Variants in SUSD1 observed in about 807,000 individuals in gnomAD.
SUSD1 encodes sushi domain-containing protein 1.
Under a neutral mutation model 86.9 loss-of-function variants are expected in SUSD1, and 65 were observed. That is an observed-to-expected ratio of 0.75 (90% CI 0.61 to 0.92). SUSD1 has a LOEUF of 0.92. Ranked by LOEUF, SUSD1 falls within the 40% of genes least tolerant of loss-of-function variation. The pLI, the probability that SUSD1 is intolerant of heterozygous loss-of-function variation, is 0.00. For synonymous variants in SUSD1, 346 were observed against 350.0 expected (o/e 0.99, Z 0.13); for missense variants, 850 against 929.7 (o/e 0.91, Z 1.11).
intron 12 of SUSD1, among the ~76,000 whole-genome samples, chr9:112,064,282 C>G (rs1009716005): frequency 6.6e-5 from 10 of 152,192 alleles, no homozygotes; most frequent in African/African-American, 2.4e-4. Context: ...TGCCTGAGCT[C>G]CACCTCCTGT....
chr9:112,077,105 TTC>T (rs2131549733), intron 12 of SUSD1, among the ~76,000 whole-genome samples: 1 of 152,266 alleles, frequency 6.6e-6, no homozygotes, highest in African/African-American at 2.4e-5. Flanking sequence ...TGCTCATTTT[TTC>T]TTTCTTTTCG....
chr9:112,165,917 G>GGAAGA (rs1833779055), intron 1 of SUSD1, among the ~76,000 whole-genome samples: 1 of 65,316 alleles, frequency 1.5e-5, no homozygotes, highest in Admixed American at 1.6e-4. Flanking sequence ...AAGGAAGGAA[G>GGAAGA]AAAGAAAAGA....
intron 8 of SUSD1, among the ~76,000 whole-genome samples, chr9:112,109,157 C>T (rs1349910376): frequency 6.6e-6 from 1 of 151,332 alleles, no homozygotes; most frequent in African/African-American, 2.4e-5. Flanking sequence ...CATAAACAGA[C>T]CCAAAATCAT....
intron 1 of SUSD1, among the ~76,000 whole-genome samples, chr9:112,159,504 G>C (rs1310030822): frequency 6.6e-6 from 1 of 152,160 alleles, no homozygotes; most frequent in Non-Finnish European, 1.5e-5. Context: ...TTGTATCTCA[G>C]ACCGTAAAGA....
chr9:112,098,088 C>T (rs2131606212), intron 10 of SUSD1, among the ~76,000 whole-genome samples: 1 of 152,314 alleles, frequency 6.6e-6, no homozygotes, highest in East Asian at 1.9e-4. Flanking sequence ...CCTGCCAGTG[C>T]CTGACACTGT....
At chr9:112,142,598 C>CACACACA in intron 4 of SUSD1, 99 bp from the exon 5 acceptor site, 1 of 1,133,416 alleles carries the variant, frequency 8.8e-7, no homozygotes, top group Non-Finnish European at 1.2e-6. Flanking sequence ...CACACACACA[C>CACACACA]CCCCGAGCCA....
chr9:112,054,495 G>A (rs1478615565), intron 14 of SUSD1, among the ~76,000 whole-genome samples: 1 of 152,022 alleles, frequency 6.6e-6, no homozygotes, highest in East Asian at 1.9e-4. Context: ...GCTGAGGCAG[G>A]AGGATCACCT....
At chr9:112,064,881 A>C (rs1828907802) in intron 12 of SUSD1, among the ~76,000 whole-genome samples, 1 of 151,396 alleles carries the variant, frequency 6.6e-6, no homozygotes, top group Admixed American at 6.6e-5. Flanking sequence ...GTCTCAGAAA[A>C]AAAAAAAAAA....
At chr9:112,158,565 T>C (rs1293656776) in intron 1 of SUSD1, among the ~76,000 whole-genome samples, 1 of 152,110 alleles carries the variant, frequency 6.6e-6, no homozygotes, top group Admixed American at 6.6e-5. Context: ...CTAATTTTTG[T>C]ATTTTCTGTA....
intron 1 of SUSD1, among the ~76,000 whole-genome samples, chr9:112,170,943 C>A (rs1003115756): frequency 5.9e-5 from 9 of 152,084 alleles, no homozygotes; most frequent in African/African-American, 9.7e-5. Context: ...GAACTCCTGA[C>A]CCCAAGTGAT....
chr9:112,147,342 A>G (rs149284655), intron 3 of SUSD1, among the ~76,000 whole-genome samples: 4,948 of 151,686 alleles, frequency 0.033, 279 homozygotes, highest in African/African-American at 0.11. Flanking sequence ...CCCTGTCTCT[A>G]CTAAAATACA....
intron 2 of SUSD1, among the ~76,000 whole-genome samples, chr9:112,150,341 T>A (rs779132692): frequency 1.3e-5 from 2 of 152,250 alleles, no homozygotes; most frequent in Non-Finnish European, 2.9e-5. Flanking sequence ...ATCTACACAG[T>A]TAGCTTTTTT....
chr9:112,141,891 GTA>G (rs35362000), intron 5 of SUSD1, among the ~76,000 whole-genome samples: 1 of 141,518 alleles, frequency 7.1e-6, no homozygotes. Context: ...GTATATATAT[GTA>G]TATATATATG....
At chr9:112,075,041 T>C (rs2043057) in intron 12 of SUSD1, among the ~76,000 whole-genome samples, 29,749 of 151,878 alleles carry the variant, frequency 0.2, 3,435 homozygotes, top group East Asian at 0.3. Context: ...TCCCCTTTAC[T>C]CAAAAAAATA....
At chr9:112,124,577 AT>A (rs1831691312) in intron 5 of SUSD1, 141 bp from the exon 6 acceptor site, 1 of 732,316 alleles carries the variant, frequency 1.4e-6, no homozygotes, top group African/African-American at 1.8e-5. Context: ...AAATAATCCA[AT>A]ATAAGTATGT....
At chr9:112,137,286 G>A (rs992118491) in intron 5 of SUSD1, among the ~76,000 whole-genome samples, 10 of 152,180 alleles carry the variant, frequency 6.6e-5, no homozygotes, top group Non-Finnish European at 1.2e-4. Flanking sequence ...GGAGGAGGAG[G>A]AGGAAGGTGT....
intron 1 of SUSD1, chr9:112,169,481 T>A (rs1833950955): frequency 6.6e-6 from 1 of 152,030 alleles, no homozygotes; most frequent in South Asian, 2.1e-4. Context: ...CCAATCCTGT[T>A]CACTTTCTGG....
At chr9:112,043,243 G>T (rs1827819100) in intron 15 of SUSD1, among the ~76,000 whole-genome samples, 1 of 152,198 alleles carries the variant, frequency 6.6e-6, no homozygotes, top group Non-Finnish European at 1.5e-5. Context: ...TGCTCAAATT[G>T]CTCCTAGGGC....
intron 10 of SUSD1, among the ~76,000 whole-genome samples, chr9:112,089,049 G>T (rs1029534331): frequency 6.6e-6 from 1 of 152,194 alleles, no homozygotes; most frequent in Non-Finnish European, 1.5e-5. Flanking sequence ...TGTGGCTACA[G>T]TGAGCTATGA....
Sources: gnomAD v4.1 joint callset for allele counts (sites outside exome capture counted in the v4.1 genomes callset) on GRCh38, gnomAD v4.1.1 for gene constraint, MANE v1.5 for transcripts, NCBI Gene and HGNC (gene_info 2026-07-23, HGNC 2026-07-21) for gene names.